Variants in MTA3 observed in about 807,000 individuals in gnomAD.
The protein encoded by MTA3 is metastasis associated 1 family member 3.
A neutral mutation model predicts 83.5 loss-of-function variants in MTA3; 34 were observed. That is an observed-to-expected ratio of 0.41 (90% CI 0.31 to 0.54). MTA3 has a LOEUF of 0.54. Ranked by LOEUF, MTA3 falls within the 20% of genes least tolerant of loss-of-function variation. MTA3 has a pLI of 0.33. For synonymous variants in MTA3, 303 were observed against 252.7 expected (o/e 1.20, Z -1.89); for missense variants, 761 against 726.4 (o/e 1.05, Z -0.55).
chr2:42,531,057 T>C (rs923072492), intron 2 of MTA3, among the ~76,000 whole-genome samples: 1 of 152,184 alleles, frequency 6.6e-6, no homozygotes, highest in Non-Finnish European at 1.5e-5. Flanking sequence ...CCTGAACTCC[T>C]GACCTCAGGT....
intron 8 of MTA3, among the ~76,000 whole-genome samples, chr2:42,661,768 T>A (rs1689739726): frequency 6.6e-6 from 1 of 152,128 alleles, no homozygotes; most frequent in Non-Finnish European, 1.5e-5. Context: ...AATAGCAAAT[T>A]ACAGAATAGT....
chr2:42,715,358 T>C (rs1666947694), intron 14 of MTA3, among the ~76,000 whole-genome samples: 1 of 152,000 alleles, frequency 6.6e-6, no homozygotes, highest in African/African-American at 2.4e-5. Context: ...CTAGAATCTT[T>C]TCACTCTAAT....
chr2:42,590,690 GGCTCACT>G (rs1220201595), intron 3 of MTA3, among the ~76,000 whole-genome samples: 11 of 148,078 alleles, frequency 7.4e-5, no homozygotes, highest in Non-Finnish European at 1.3e-4. Flanking sequence ...GTGCGATCTC[GGCTCACT>G]GCAACCTCCG....
At chr2:42,617,734 C>G (rs1685072024) in intron 4 of MTA3, among the ~76,000 whole-genome samples, 1 of 151,776 alleles carries the variant, frequency 6.6e-6, no homozygotes, top group Non-Finnish European at 1.5e-5. Flanking sequence ...TGAGATTGTA[C>G]CATTTCACTC....
chr2:42,637,474 A>G lies in MTA3; in HGVS notation c.318-2699A>G, dbSNP rs1054069066. 7.2e-5 allele frequency among the ~76,000 whole-genome samples: 11 copies of G among 152,340 alleles called. No homozygotes were observed. In the South Asian group the frequency reaches 1.0e-3, roughly 14 times the overall value. On this transcript the variant is annotated intron_variant, in intron 4 of 16. Coordinates refer to ENST00000405094, the MANE Select transcript of MTA3 (RefSeq NM_001330442.2). ...CTTAAAATTTACCATGTTTTTATCT[A>G]TGAGCCAAGATTTGTTTGGCATAAA...
rs1015174195 is a variant in MTA3, at chr2:42,632,180, C to T, written c.318-7993C>T. On this transcript the variant is annotated intron_variant, in intron 4 of 16. Transcript: ENST00000405094. ...TCTCGGCTCACTGCAAGCTCTGCCT[C>T]CCAGGTTCACGCCATTCTCCTGCCT... Among the ~76,000 whole-genome samples, 3 of 148,892 alleles carry T rather than the reference C, an allele frequency of 2.0e-5. No homozygotes were observed. In the Admixed American group the frequency reaches 2.0e-4, roughly 10 times the overall value.
At chr2:42,586,524 A>T in intron 3 of MTA3, among the ~76,000 whole-genome samples, 1 of 128,474 alleles carries the variant, frequency 7.8e-6, no homozygotes, top group South Asian at 2.8e-4. Context: ...AAACACACAA[A>T]GGAAGGAAAA....
chr2:42,704,212 C>G lies in MTA3; in HGVS notation c.1044C>G (p.Asn348Lys). The part of the protein sequence containing the change: ...YIPTYSKPNP[N>K]QISTSNGKPG... ...TTGAAAGCAGCAAACCAAATCCCAA[C>G]CAAATATCCACTAGTAATGGGAAGC... The change falls in exon 12 of 17, where the codon AAC becomes AAG. Residue 348 changes from asparagine to lysine, a missense_variant. Asn to Lys is a moderately conservative substitution (Grantham distance 94, BLOSUM62 0). Coordinates refer to ENST00000405094, the MANE Select transcript of MTA3 (RefSeq NM_001330442.2). 5 of 1,613,858 alleles carry G rather than the reference C, an allele frequency of 3.1e-6. No homozygotes were observed. The highest frequency in any genetic ancestry group is 4.2e-6 in the Non-Finnish European group (5 of 1,179,818).
chr2:42,712,217 A>G (rs187068335), intron 14 of MTA3, among the ~76,000 whole-genome samples: 43 of 152,336 alleles, frequency 2.8e-4, no homozygotes, highest in Middle Eastern at 3.4e-3. Context: ...GAATATGTAA[A>G]GAGTAATGAC....
At chr2:42,622,547 T>G (rs1422836433) in intron 4 of MTA3, among the ~76,000 whole-genome samples, 1 of 152,222 alleles carries the variant, frequency 6.6e-6, no homozygotes, top group Non-Finnish European at 1.5e-5. Context: ...GTTAAGTTTC[T>G]TCTCAGTTTT....
intron 4 of MTA3, among the ~76,000 whole-genome samples, chr2:42,625,000 C>G (rs1177132655): frequency 6.6e-6 from 1 of 152,206 alleles, no homozygotes; most frequent in South Asian, 2.1e-4. Context: ...ATTTGATACA[C>G]CATTGTAATT....
At chr2:42,691,491 G>A (rs1230814074) in intron 9 of MTA3, among the ~76,000 whole-genome samples, 1 of 152,068 alleles carries the variant, frequency 6.6e-6, no homozygotes, top group Non-Finnish European at 1.5e-5. Flanking sequence ...GAAAGTTGTA[G>A]TTATTTTTTT....
chr2:42,548,835 T>TATATATATA (rs1558428295), intron 2 of MTA3, among the ~76,000 whole-genome samples: 65 of 14,608 alleles, frequency 4.4e-3, no homozygotes, highest in African/African-American at 0.013. Flanking sequence ...ATATAATATA[T>TATATATATA]ATATATATAT....
chr2:42,733,282 C>A (rs1204197674), intron 16 of MTA3, among the ~76,000 whole-genome samples: 1 of 152,100 alleles, frequency 6.6e-6, no homozygotes, highest in Non-Finnish European at 1.5e-5. Flanking sequence ...ATGGTGACAG[C>A]AAGAGAAAAT....
intron 7 of MTA3, among the ~76,000 whole-genome samples, chr2:42,658,817 A>G (rs1354293454): frequency 1.3e-5 from 2 of 151,986 alleles, no homozygotes; most frequent in Non-Finnish European, 2.9e-5. Context: ...GCTCATGCCT[A>G]TAATCCCAAA....
At chr2:42,711,355 T>C (rs1280346610) in intron 14 of MTA3, among the ~76,000 whole-genome samples, 2 of 152,200 alleles carry the variant, frequency 1.3e-5, no homozygotes, top group East Asian at 3.8e-4. Context: ...TGACGGGCCA[T>C]GCTGCTAAAA....
intron 2 of MTA3, among the ~76,000 whole-genome samples, chr2:42,512,996 CTG>C (rs1430346043): frequency 1.3e-5 from 2 of 152,172 alleles, no homozygotes; most frequent in East Asian, 1.9e-4. Context: ...TTCTCCCAGA[CTG>C]TGAAAATGCA....
At chr2:42,560,678 G>A (rs989502479) in intron 2 of MTA3, among the ~76,000 whole-genome samples, 2 of 152,070 alleles carry the variant, frequency 1.3e-5, no homozygotes, top group South Asian at 4.1e-4. Context: ...GCTGAGGTGG[G>A]CGGATCACCT....
intron 9 of MTA3, among the ~76,000 whole-genome samples, chr2:42,694,175 C>G (rs1050412392): frequency 1.3e-5 from 2 of 152,132 alleles, no homozygotes; most frequent in African/African-American, 4.8e-5. Context: ...ATCCCTTAAG[C>G]AGAAGGAAGG....
Sources: allele counts gnomAD v4.1 joint callset (sites outside exome capture counted in the v4.1 genomes callset), GRCh38; gene constraint gnomAD v4.1.1; transcripts MANE v1.5; gene names NCBI Gene and HGNC (gene_info 2026-07-23, HGNC 2026-07-21).